GPC6: variants seen among roughly 807,000 people sequenced by gnomAD.
The protein encoded by GPC6 is glypican 6.
A neutral mutation model predicts 55.2 loss-of-function variants in GPC6; 14 were observed. The ratio of observed to expected loss-of-function variants is 0.25; its 90% CI spans 0.17 to 0.40. GPC6 has a LOEUF of 0.40. GPC6 is among the 10% of genes least tolerant of loss of function. GPC6 has a pLI of 1.00. For missense variants in GPC6, 641 were observed against 708.5 expected, an observed-to-expected ratio of 0.90 and a Z score of 1.08; for synonymous variants, 278 against 259.6, an observed-to-expected ratio of 1.07 and a Z score of -0.68.
chr13:93,496,196 TC>T (rs1222907166), intron 1 of GPC6, among the ~76,000 whole-genome samples: 1 of 152,236 alleles, frequency 6.6e-6, no homozygotes, highest in African/African-American at 2.4e-5. Context: ...CGTAGGACCC[TC>T]CGAGCCAGGT....
At chr13:93,609,562 T>C (rs554048301) in intron 2 of GPC6, among the ~76,000 whole-genome samples, 1 of 152,248 alleles carries the variant, frequency 6.6e-6, no homozygotes, top group African/African-American at 2.4e-5. Context: ...CTGTAGCAAC[T>C]TCCTAACTGA....
chr13:93,499,091 T>TCGCACACA lies in GPC6; in HGVS notation c.161-46171_161-46170insGCACACAC, dbSNP rs111757013. On this transcript the variant is annotated intron_variant, in intron 1 of 8. Transcript: ENST00000377047. ...ATAGTATATCCACAATCCTTAATTG[T>TCGCACACA]CACACACACACACACACACACACAC... 2.2e-5 allele frequency among the ~76,000 whole-genome samples: 3 copies of TCGCACACA among 133,626 alleles called. No individual in the cohort carries two copies. In the South Asian group the frequency reaches 7.3e-4, roughly 33 times the overall value. The allele number at this position is 133,626 out of a possible 152,430, so 87.7% of individuals were successfully genotyped here.
At chr13:94,252,168 A>G (rs748647226) in intron 4 of GPC6, among the ~76,000 whole-genome samples, 1 of 152,132 alleles carries the variant, frequency 6.6e-6, no homozygotes, top group Non-Finnish European at 1.5e-5. Flanking sequence ...TTTGTCACCC[A>G]GGTGTCTGGA....
At position 93,231,402 on chromosome 13, in the gene GPC6, T is replaced by TAC. The variant is rs1566533651; in HGVS notation, c.160+3787_160+3788insCA. Among the ~76,000 whole-genome samples the TAC allele has an allele frequency of 3.3e-3, 130 of 39,236 alleles. 4 individuals carry two copies. The highest frequency in any genetic ancestry group is 0.017 in the African/African-American group (129 of 7,486). The allele number at this position is 39,236 out of a possible 152,430, so 25.7% of individuals were successfully genotyped here. ...ATACATATATATATATATATGTATA[T>TAC]ATATATATATATATATATATACGTA... On this transcript the variant is annotated intron_variant, in intron 1 of 8. Coordinates refer to ENST00000377047, the MANE Select transcript of GPC6 (RefSeq NM_005708.5).
chr13:93,872,279 A>G (rs1274989638), intron 3 of GPC6, among the ~76,000 whole-genome samples: 3 of 151,966 alleles, frequency 2.0e-5, no homozygotes, highest in East Asian at 1.9e-4. Flanking sequence ...TGGATTTTTC[A>G]TAGCTTTTTA....
intron 1 of GPC6, among the ~76,000 whole-genome samples, chr13:93,339,046 A>G (rs1278875687): frequency 2.0e-5 from 3 of 152,134 alleles, no homozygotes; most frequent in South Asian, 2.1e-4. Flanking sequence ...GAACGTTTCC[A>G]GTGATGAAAG....
intron 2 of GPC6, among the ~76,000 whole-genome samples, chr13:93,758,025 C>T (rs1428566829): frequency 1.3e-5 from 2 of 149,772 alleles, no homozygotes; most frequent in Non-Finnish European, 2.9e-5. Context: ...TCATATTTTC[C>T]CATTTTTTCC....
chr13:93,694,577 C>G (rs1882380464), intron 2 of GPC6, among the ~76,000 whole-genome samples: 2 of 152,142 alleles, frequency 1.3e-5, no homozygotes, highest in Admixed American at 6.6e-5. Context: ...CTTACCCTTG[C>G]AAGATTGCCT....
At chr13:94,292,421 A>G (rs1875037388) in intron 5 of GPC6, among the ~76,000 whole-genome samples, 2 of 152,174 alleles carry the variant, frequency 1.3e-5, no homozygotes, top group African/African-American at 4.8e-5. Flanking sequence ...CAAAGCCAGG[A>G]CGACCCAAGC....
At chr13:93,426,563 G>C (rs1877137062) in intron 1 of GPC6, among the ~76,000 whole-genome samples, 1 of 151,940 alleles carries the variant, frequency 6.6e-6, no homozygotes, top group African/African-American at 2.4e-5. Flanking sequence ...CAAAGGACAT[G>C]AACTCATCAT....
At chr13:93,369,785 A>T (rs941743354) in intron 1 of GPC6, among the ~76,000 whole-genome samples, 1 of 152,130 alleles carries the variant, frequency 6.6e-6, no homozygotes, top group Non-Finnish European at 1.5e-5. Flanking sequence ...GAACTATAAA[A>T]AGAAATGTTC....
At position 94,403,365 on chromosome 13, in the gene GPC6, T is replaced by G; in HGVS notation, c.*148T>G. 4 of 710,954 alleles carry G rather than the reference T, an allele frequency of 5.6e-6. No individual in the cohort carries two copies. Among genetic ancestry groups the G allele is most frequent in the Non-Finnish European group, 1.0e-5 (4 of 396,482 alleles). 44.0% of individuals were successfully genotyped at this position (710,954 alleles called of 1,614,324 possible). A position where few individuals can be genotyped will look rare whatever the true frequency, so the allele number is the denominator to read the frequency against. On this transcript the variant is annotated 3_prime_UTR_variant, in exon 9 of 9. Transcript: ENST00000377047. ...GCAGTAATGCAATCTGCCTCCCTTT[T>G]TGTTTTCCCAAAGAGTACCGGGTGC...
intron 1 of GPC6, among the ~76,000 whole-genome samples, chr13:93,279,224 A>T (rs1877864781): frequency 6.6e-6 from 1 of 152,148 alleles, no homozygotes; most frequent in Non-Finnish European, 1.5e-5. Flanking sequence ...AGAACTGCTC[A>T]TTCAGGTGGT....
chr13:93,313,836 A>G (rs1879156390), intron 1 of GPC6, among the ~76,000 whole-genome samples: 1 of 152,014 alleles, frequency 6.6e-6, no homozygotes, highest in Non-Finnish European at 1.5e-5. Flanking sequence ...CTGGCCTAAA[A>G]TTTTATCTTC....
intron 3 of GPC6, among the ~76,000 whole-genome samples, chr13:93,972,884 A>G (rs139578250): frequency 8.6e-5 from 13 of 152,020 alleles, no homozygotes; most frequent in African/African-American, 3.1e-4. Flanking sequence ...ACCATCAAAC[A>G]TGGTGTCTGT....
intron 1 of GPC6, among the ~76,000 whole-genome samples, chr13:93,346,485 T>C (rs573640115): frequency 6.6e-4 from 101 of 152,312 alleles, no homozygotes; most frequent in African/African-American, 2.4e-3. Context: ...TTACCTGATC[T>C]GTAAGTGTCT....
intron 2 of GPC6, among the ~76,000 whole-genome samples, chr13:93,641,006 A>G (rs1879911070): frequency 6.6e-6 from 1 of 151,984 alleles, no homozygotes; most frequent in Non-Finnish European, 1.5e-5. Flanking sequence ...TGCCATTCAC[A>G]GAGATGGAAG....
intron 1 of GPC6, among the ~76,000 whole-genome samples, chr13:93,256,836 G>T (rs564212926): frequency 1.3e-4 from 20 of 152,096 alleles, no homozygotes; most frequent in African/African-American, 4.6e-4. Flanking sequence ...TGTCATCAAA[G>T]GTATTTCACA....
chr13:94,051,693 T>C (rs1481678200), intron 4 of GPC6, among the ~76,000 whole-genome samples: 1 of 152,160 alleles, frequency 6.6e-6, no homozygotes, highest in African/African-American at 2.4e-5. Context: ...ATATAATTGT[T>C]TCTTTCATTA....
Sources: gnomAD v4.1 joint callset for allele counts (sites outside exome capture counted in the v4.1 genomes callset) on GRCh38, gnomAD v4.1.1 for gene constraint, MANE v1.5 for transcripts, NCBI Gene and HGNC (gene_info 2026-07-23, HGNC 2026-07-21) for gene names.